GARNL3: variants seen among roughly 807,000 people sequenced by gnomAD.
GARNL3 encodes the protein GTPase-activating Rap/Ran-GAP domain-like protein 3.
Under a neutral mutation model 125.0 loss-of-function variants are expected in GARNL3, and 63 were observed. The ratio of observed to expected loss-of-function variants is 0.50; its 90% CI spans 0.41 to 0.62. GARNL3 has a LOEUF of 0.62. GARNL3 is among the 20% of genes least tolerant of loss of function. The probability of loss-of-function intolerance (pLI) is 0.00; values close to 1 mark genes in which losing one functional copy is unlikely to be tolerated. For synonymous variants in GARNL3, 439 were observed against 457.5 expected (o/e 0.96, Z 0.52); for missense variants, 994 against 1,244.0 (o/e 0.80, Z 3.02).
intron 11 of GARNL3, among the ~76,000 whole-genome samples, 163 bp from the exon 12 acceptor site, chr9:127,337,953 G>A (rs2131593472): frequency 6.6e-6 from 1 of 152,302 alleles, no homozygotes; most frequent in African/African-American, 2.4e-5. Context: ...TCCCTGGGCT[G>A]TCTCTTGGAA....
At chr9:127,391,533 A>AAAAAAAAAAAAAAAAATATATAT in intron 27 of GARNL3, among the ~76,000 whole-genome samples, 1 of 75,866 alleles carries the variant, frequency 1.3e-5, no homozygotes, top group East Asian at 3.9e-4. Flanking sequence ...ACAAAAAAAA[A>AAAAAAAAAAAAAAAAATATATAT]ATATATATAT....
intron 2 of GARNL3, among the ~76,000 whole-genome samples, chr9:127,303,054 G>A (rs2064847878): frequency 6.6e-6 from 1 of 152,138 alleles, no homozygotes; most frequent in South Asian, 2.1e-4. Flanking sequence ...CAGAGACTGA[G>A]GCAGGAGAAT....
At chr9:127,370,444 G>C (rs1292741649) in intron 22 of GARNL3, among the ~76,000 whole-genome samples, 4 of 152,184 alleles carry the variant, frequency 2.6e-5, no homozygotes, top group Non-Finnish European at 4.4e-5. Flanking sequence ...GAAAAGAAGG[G>C]GAGAGCCTCC....
At position 127,258,050 on chromosome 9, in the gene GARNL3, G is replaced by T. The variant is rs184580626; in HGVS notation, c.144-6902G>T. ...CTCAGAGAGGATAAGTAACTTGTTT[G>T]AGGTCACGGTGGTCATGTGTGATGG... On this transcript the variant is annotated intron_variant, in intron 2 of 10. Transcript: ENST00000439286. Among the ~76,000 whole-genome samples, 7 of 152,244 alleles carry T rather than the reference G, an allele frequency of 4.6e-5. No homozygotes were observed. The East Asian group carries it at 1.3e-3, about 29-fold the overall frequency.
Position 127,242,022 on chromosome 9 carries a change from C to A in GARNL3, c.-28-1057C>A, listed in dbSNP as rs1225676095. Among the ~76,000 whole-genome samples the A allele has an allele frequency of 6.6e-6, 1 of 152,038 alleles. No individual in the cohort carries two copies. ...GGGTCTAACTGGCACCACTATAGAA[C>A]CTTCAGAGTGGCCAGTGCCTATCTG... On this transcript the variant is annotated intron_variant, in intron 1 of 10. Transcript: ENST00000439286. The surrounding 1 kb of genome is among the most constrained non-coding windows in gnomAD (Gnocchi z 4.6).
chr9:127,383,799 T>C (rs1327135463), intron 23 of GARNL3, among the ~76,000 whole-genome samples: 1 of 152,222 alleles, frequency 6.6e-6, no homozygotes, highest in East Asian at 1.9e-4. Context: ...TTAAATGTCA[T>C]TTTTCAGTAC....
chr9:127,320,685 C>T, intron 5 of GARNL3, 30 bp from the exon 6 acceptor site: 2 of 1,546,108 alleles, frequency 1.3e-6, no homozygotes, highest in Non-Finnish European at 8.9e-7. Context: ...TTCTCTGATG[C>T]TGCAGCTCAT....
intron 7 of GARNL3, among the ~76,000 whole-genome samples, chr9:127,331,434 A>G (rs1207781889): frequency 1.3e-5 from 2 of 151,728 alleles, no homozygotes; most frequent in Non-Finnish European, 2.9e-5. Flanking sequence ...TGGAGGTTGC[A>G]GTGAGCTGAG....
intron 2 of GARNL3, among the ~76,000 whole-genome samples, chr9:127,247,293 G>A (rs1317662716): frequency 6.6e-6 from 1 of 152,160 alleles, no homozygotes; most frequent in African/African-American, 2.4e-5. Context: ...CTTGTTGGTT[G>A]TAAGTGACAG....
chr9:127,346,797 G>A (rs1254895106), intron 16 of GARNL3, among the ~76,000 whole-genome samples: 1 of 152,138 alleles, frequency 6.6e-6, no homozygotes, highest in Non-Finnish European at 1.5e-5. Flanking sequence ...CAAGTGTTCT[G>A]TGCCCAGAGA....
rs1251639796 is a variant in GARNL3, at chr9:127,338,097, C to T, written c.983-19C>T. Reference sequence around the variant, plus strand: ...GTGAGCATCAGTGTTGTGATTAGTTCCCTTAACCATCACCACAGATATTTT... The same window carrying T: ...GTGAGCATCAGTGTTGTGATTAGTTTCCTTAACCATCACCACAGATATTTT... On this transcript the variant is annotated intron_variant, in intron 11 of 27. Transcript: ENST00000373387. 2 of 1,589,230 alleles carry T rather than the reference C, an allele frequency of 1.3e-6. No individual in the cohort carries two copies. The highest frequency in any genetic ancestry group is 2.7e-5 in the African/African-American group (2 of 74,400).
At position 127,336,216 on chromosome 9, in the gene GARNL3, T is replaced by C; in HGVS notation, c.962T>C (p.Met321Thr). Residue 321 changes from methionine to threonine, a missense_variant, in exon 11 of 28, where the codon ATG becomes ACG. This residue lies in a region of GARNL3 where 728 missense variants were observed against 865.7 expected (regional missense o/e 0.84). Transcript: ENST00000373387. ...EESSPAFKPS[M>T]IRSHFTHIFA... Reference sequence around the variant, plus strand: ...TCTTCTCCTGCCTTTAAGCCTTCCATGATCCGCTCCCACTTTACACGTATC... The same window carrying C: ...TCTTCTCCTGCCTTTAAGCCTTCCACGATCCGCTCCCACTTTACACGTATC... 6.2e-7 allele frequency: 1 copy of C among 1,613,160 alleles called. No homozygotes were observed. The highest frequency in any genetic ancestry group is 2.2e-5 in the East Asian group (1 of 44,878).
intron 11 of GARNL3, among the ~76,000 whole-genome samples, chr9:127,337,013 G>A (rs142068662): frequency 4.7e-4 from 71 of 152,304 alleles, no homozygotes; most frequent in Middle Eastern, 3.4e-3. Context: ...ACAGGCCCAC[G>A]GTGACTCATG....
chr9:127,388,615 A>G (rs1363466916), intron 25 of GARNL3: 1 of 441,616 alleles, frequency 2.3e-6, no homozygotes, highest in African/African-American at 2.0e-5. Flanking sequence ...GATAAAGCAC[A>G]GAATTCCCCA....
At chr9:127,342,088 A>G (rs1293079766) in intron 13 of GARNL3, 131 bp from the exon 14 acceptor site, 9 of 660,082 alleles carry the variant, frequency 1.4e-5, no homozygotes, top group African/African-American at 1.1e-4. Context: ...TACTAAGCAG[A>G]AAAAAAACCT....
intron 22 of GARNL3, among the ~76,000 whole-genome samples, chr9:127,365,569 C>G (rs1831243991): frequency 6.6e-6 from 1 of 152,190 alleles, no homozygotes; most frequent in Non-Finnish European, 1.5e-5. Context: ...AGTGCAAGAA[C>G]TGGCACTTGT....
In GARNL3 at chr9:127,345,819, G is replaced by C. The variant is rs2131625205; in HGVS notation, c.1431+342G>C. Among the ~76,000 whole-genome samples, 3 of 152,358 alleles carry C rather than the reference G, an allele frequency of 2.0e-5. No individual in the cohort carries two copies. In the East Asian group the frequency reaches 5.8e-4, roughly 29 times the overall value. On this transcript the variant is annotated intron_variant, in intron 16 of 27. Transcript: ENST00000373387. ...TTCTGATCCAGTAGGTCTGGAGTGG[G>C]GCTGAGAGTCTGTGTTTCCAACAAA...
In GARNL3 at chr9:127,384,437, A is replaced by T. The variant is rs148589066; in HGVS notation, c.2270-590A>T. ...AGGGCAGGCACAGTGCCTGGAAGCC[A>T]GTGTGTCATCCAAATCATTTCAAGC... On this transcript the variant is annotated intron_variant, in intron 23 of 27. Coordinates refer to ENST00000373387, the MANE Select transcript of GARNL3 (RefSeq NM_032293.5). The surrounding 1 kb of genome is among the most constrained non-coding windows in gnomAD (Gnocchi z 4.0). 2.6e-3 allele frequency among the ~76,000 whole-genome samples: 394 copies of T among 152,276 alleles called. 1 individual carries two copies. Among genetic ancestry groups the T allele is most frequent in the Non-Finnish European group, 3.9e-3 (264 of 68,018 alleles).
In GARNL3 at chr9:127,357,162, A is replaced by G. The variant is rs548940173; in HGVS notation, c.1936-57A>G. 1.2e-5 allele frequency: 19 copies of G among 1,570,050 alleles called. No homozygotes were observed. In the African/African-American group the frequency reaches 1.9e-4, roughly 16 times the overall value. ...GAGGGAATGGGCAGTGGGGCTTGGC[A>G]TGGAGCTGGCTGCTCTGTTCTCACC... On this transcript the variant is annotated intron_variant, in intron 20 of 27. Coordinates refer to ENST00000373387, the MANE Select transcript of GARNL3 (RefSeq NM_032293.5).
Sources: gnomAD v4.1 joint callset for allele counts (sites outside exome capture counted in the v4.1 genomes callset) on GRCh38, gnomAD v4.1.1 for gene constraint, gnomAD v4.1.1 regional missense constraint, Gnocchi (gnomAD v3.1) non-coding constraint, MANE v1.5 for transcripts, NCBI Gene and HGNC (gene_info 2026-07-23, HGNC 2026-07-21) for gene names.